The following ACSM3 variants were observed in gnomAD, a reference collection of about 807,000 sequenced individuals.
ACSM3 encodes acyl-CoA synthetase medium chain family member 3.
A neutral mutation model predicts 74.1 loss-of-function variants in ACSM3; 61 were observed. That is an observed-to-expected ratio of 0.82 (90% CI 0.67 to 1.02). The LOEUF (loss-of-function observed/expected upper bound fraction) is 1.02, where lower values mean the gene tolerates loss of function less well. ACSM3 is among the 50% of genes least tolerant of loss of function. The pLI is 0.00. For synonymous variants in ACSM3, 213 were observed against 241.5 expected (o/e 0.88, Z 1.09); for missense variants, 660 against 697.0 (o/e 0.95, Z 0.60).
chr16:20,721,604 C>G (rs191871543), intron 1 of ACSM3: 1 of 152,266 alleles, frequency 6.6e-6, no homozygotes, highest in Admixed American at 6.5e-5. Context: ...GGGGTGGAGG[C>G]TCAATTTGGC....
intron 2 of ACSM3, among the ~76,000 whole-genome samples, chr16:20,750,759 G>C (rs1407860925): frequency 6.6e-6 from 1 of 151,042 alleles, no homozygotes; most frequent in Non-Finnish European, 1.5e-5. Context: ...ATTGTCCATA[G>C]AGATTATAAA....
At chr16:20,787,981 C>A (rs2080510926) in intron 9 of ACSM3, among the ~76,000 whole-genome samples, 1 of 152,132 alleles carries the variant, frequency 6.6e-6, no homozygotes, top group Non-Finnish European at 1.5e-5. Context: ...TCATAGGTTT[C>A]TTGTGGTGAT....
chr16:20,681,798 T>G (rs943637445), intron 1 of ACSM3: 2 of 155,636 alleles, frequency 1.3e-5, no homozygotes, highest in African/African-American at 4.8e-5. Flanking sequence ...CAATTCCTCC[T>G]GAGGAAGAGA....
chr16:20,732,947 G>A (rs1270011758), intron 1 of ACSM3: 2 of 161,552 alleles, frequency 1.2e-5, no homozygotes, highest in East Asian at 3.7e-4. Context: ...ATCATTGGGA[G>A]AATCAAACAC....
intron 1 of ACSM3, among the ~76,000 whole-genome samples, chr16:20,678,864 G>A (rs1055691316): frequency 4.6e-5 from 7 of 152,156 alleles, no homozygotes; most frequent in African/African-American, 1.4e-4. Flanking sequence ...CAAGTCAGGT[G>A]CACCTCCACC....
At chr16:20,725,069 G>A (rs942828106) in intron 1 of ACSM3, among the ~76,000 whole-genome samples, 3 of 152,112 alleles carry the variant, frequency 2.0e-5, no homozygotes, top group African/African-American at 7.2e-5. Context: ...AGCCCGCATT[G>A]CCAAGTCAAT....
At chr16:20,792,844 C>G in intron 12 of ACSM3, 3 of 437,934 alleles carry the variant, frequency 6.9e-6, no homozygotes, top group Non-Finnish European at 9.1e-6. Context: ...CACAGGTGTC[C>G]TGAAAGCCCA....
intron 1 of ACSM3, among the ~76,000 whole-genome samples, chr16:20,676,367 G>A (rs1166933913): frequency 6.6e-6 from 1 of 152,198 alleles, no homozygotes; most frequent in Non-Finnish European, 1.5e-5. Flanking sequence ...TCTCAGAGGT[G>A]CTCCAGGGTG....
intron 1 of ACSM3, chr16:20,739,181 T>TA: frequency 8.9e-7 from 1 of 1,123,312 alleles, no homozygotes; most frequent in Non-Finnish European, 1.2e-6. Context: ...TATTGATTTT[T>TA]TTTTTTTTTC....
intron 1 of ACSM3, among the ~76,000 whole-genome samples, chr16:20,694,942 C>T (rs2079681589): frequency 6.6e-6 from 1 of 152,138 alleles, no homozygotes; most frequent in African/African-American, 2.4e-5. Context: ...CAGAGAAAAC[C>T]ACCCTGATCT....
intron 2 of ACSM3, among the ~76,000 whole-genome samples, chr16:20,770,936 ATTC>A (rs2080185526): frequency 6.6e-6 from 1 of 152,164 alleles, no homozygotes; most frequent in African/African-American, 2.4e-5. Flanking sequence ...TCAATATATT[ATTC>A]TTAACTGTTT....
chr16:20,721,052 T>A (rs1052089910), intron 1 of ACSM3: 2 of 151,842 alleles, frequency 1.3e-5, no homozygotes, highest in Non-Finnish European at 2.9e-5. Context: ...GGTGAAAGAG[T>A]AATAAAAAGG....
chr16:20,777,442 A>G lies in ACSM3; in HGVS notation c.500A>G (p.Lys167Arg), dbSNP rs145372426. 6.2e-7 allele frequency: 1 copy of G among 1,614,110 alleles called. No individual in the cohort carries two copies. Among genetic ancestry groups the G allele is most frequent in the Non-Finnish European group, 8.5e-7 (1 of 1,179,986 alleles). The stretch of plus-strand genomic sequence containing the variant: ...ATTCTCTACAGACTACAATCTTCAA[A>G]AGCAAACTGCATTATCACCAATGAT... ...KDILYRLQSS[K>R]ANCIITNDVL... The change falls in exon 4 of 14, where the codon AAA becomes AGA. Residue 167 changes from lysine to arginine, a missense_variant. Coordinates refer to ENST00000289416, the MANE Select transcript of ACSM3 (RefSeq NM_005622.4).
chr16:20,737,504 G>A (rs1031303066), intron 1 of ACSM3, among the ~76,000 whole-genome samples: 2 of 151,978 alleles, frequency 1.3e-5, no homozygotes, highest in Non-Finnish European at 2.9e-5. Context: ...TCAATTTCGA[G>A]TTAAAAAAGA....
At chr16:20,678,683 G>A (rs544490228) in intron 1 of ACSM3, among the ~76,000 whole-genome samples, 1 of 152,348 alleles carries the variant, frequency 6.6e-6, no homozygotes, top group Non-Finnish European at 1.5e-5. Context: ...GGCTGAAATA[G>A]TTCAGGACTT....
At position 20,786,081 on chromosome 16, in the gene ACSM3, C is replaced by A. The variant is rs2080468450; in HGVS notation, c.1147C>A (p.Leu383Ile). Residue 383 changes from leucine (L) to isoleucine (I), a missense_variant, in exon 9 of 14, where the codon CTA becomes ATA. Physicochemically the swap from Leu to Ile is conservative, Grantham distance 5. Transcript: ENST00000289416. Reference protein sequence around the residue: ...YEGYGQTETVLICGNFKGMKI... With the variant: ...YEGYGQTETVIICGNFKGMKI... Reference sequence around the variant, plus strand: ...ACTTTTTCTTCTTCTTAACTAGGTGCTAATCTGTGGAAATTTTAAGGGAAT... The same window carrying A: ...ACTTTTTCTTCTTCTTAACTAGGTGATAATCTGTGGAAATTTTAAGGGAAT... The A allele has an allele frequency of 6.3e-7, 1 of 1,585,766 alleles. No individual in the cohort carries two copies. The highest frequency in any genetic ancestry group is 8.6e-7 in the Non-Finnish European group (1 of 1,165,870).
At chr16:20,722,450 T>C (rs1374679470) in intron 1 of ACSM3, among the ~76,000 whole-genome samples, 1 of 152,194 alleles carries the variant, frequency 6.6e-6, no homozygotes, top group Admixed American at 6.5e-5. Flanking sequence ...GGAGGAGCTC[T>C]AAAACATTAG....
intron 3 of ACSM3, among the ~76,000 whole-genome samples, chr16:20,756,907 C>A (rs2152438878): frequency 6.6e-6 from 1 of 152,124 alleles, no homozygotes; most frequent in East Asian, 1.9e-4. Context: ...TTCCCCATTG[C>A]TTGTTTTTCT....
chr16:20,727,698 C>A (rs2079811729), intron 1 of ACSM3, among the ~76,000 whole-genome samples: 1 of 152,174 alleles, frequency 6.6e-6, no homozygotes, highest in Admixed American at 6.5e-5. Flanking sequence ...CAGGAGAAAT[C>A]TCAGGGGCTT....
Sources: allele counts gnomAD v4.1 joint callset (sites outside exome capture counted in the v4.1 genomes callset), GRCh38; gene constraint gnomAD v4.1.1; transcripts MANE v1.5; gene names NCBI Gene and HGNC (gene_info 2026-07-23, HGNC 2026-07-21).